The following CSGALNACT1 variants were observed in gnomAD, a reference collection of about 807,000 sequenced individuals.
CSGALNACT1 encodes the protein beta4GalNAcT-1.
Under a neutral mutation model 51.0 loss-of-function variants are expected in CSGALNACT1, and 52 were observed. That is an observed-to-expected ratio of 1.02 (90% confidence interval 0.82 to 1.29). CSGALNACT1 has a LOEUF of 1.29. Among genes scored for constraint, CSGALNACT1 ranks in the 50% most tolerant of loss-of-function variants. The pLI is 0.00. For missense variants in CSGALNACT1, 935 were observed against 679.2 expected, an observed-to-expected ratio of 1.38 and a Z score of -4.19; for synonymous variants, 341 against 254.4, an observed-to-expected ratio of 1.34 and a Z score of -3.24.
chr8:19,476,145 C>T (rs1037580015), intron 4 of CSGALNACT1, among the ~76,000 whole-genome samples: 2 of 152,116 alleles, frequency 1.3e-5, no homozygotes, highest in Non-Finnish European at 2.9e-5. Flanking sequence ...TGAATATGGC[C>T]ATTTTTCAGA....
Position 19,755,727 on chromosome 8 carries a change from C to T in CSGALNACT1, c.-297+2123G>A, listed in dbSNP as rs1203290264. On this transcript the variant is annotated intron_variant, in intron 1 of 1. Transcript: ENST00000517494. The stretch of plus-strand genomic sequence containing the variant: ...CAAGCTCACTGCACTGTAATGTAAA[C>T]GGATGAATCCAAATGTCGGAGATTC... Among the ~76,000 whole-genome samples, 6 of 152,282 alleles carry T rather than the reference C, an allele frequency of 3.9e-5. No homozygotes were observed. In the East Asian group the frequency reaches 9.6e-4, roughly 24 times the overall value.
At chr8:19,524,357 C>G (rs180789357) in intron 3 of CSGALNACT1, among the ~76,000 whole-genome samples, 4 of 152,234 alleles carry the variant, frequency 2.6e-5, no homozygotes, top group African/African-American at 4.8e-5. Context: ...CCGCTATTAA[C>G]GATGCATGTT....
chr8:19,724,357 T>A (rs1436323868), intron 1 of CSGALNACT1, among the ~76,000 whole-genome samples: 1 of 152,204 alleles, frequency 6.6e-6, no homozygotes, highest in South Asian at 2.1e-4. Flanking sequence ...GAAAATCCAT[T>A]TCCATGCCTT....
chr8:19,420,224 A>G lies in CSGALNACT1; in HGVS notation c.1132+116T>C, dbSNP rs7016592. On this transcript the variant is annotated intron_variant, in intron 7 of 9. Coordinates refer to ENST00000454498, the Ensembl canonical transcript of CSGALNACT1. ...TGGTTTTCCTTTTCTTTGCTATTGAAGTAAAACAGGCTGATTCAGAAGCAG... is the reference window on the plus strand; with the variant it reads ...TGGTTTTCCTTTTCTTTGCTATTGAGGTAAAACAGGCTGATTCAGAAGCAG... The G allele has an allele frequency of 0.53, 505,011 of 960,320 alleles. 137,593 individuals carry two copies. Among genetic ancestry groups the G allele is most frequent in the East Asian group, 0.83 (34,627 of 41,662 alleles). 59.5% of individuals were successfully genotyped at this position (960,320 alleles called of 1,614,324 possible).
chr8:19,504,883 G>A (rs1368679238), intron 4 of CSGALNACT1, among the ~76,000 whole-genome samples: 2 of 152,250 alleles, frequency 1.3e-5, no homozygotes, highest in East Asian at 3.9e-4. Flanking sequence ...TACTAGAAGT[G>A]CCCTGTCATA....
chr8:19,597,804 C>A (rs2049286311), intron 2 of CSGALNACT1, among the ~76,000 whole-genome samples: 1 of 152,178 alleles, frequency 6.6e-6, no homozygotes, highest in East Asian at 1.9e-4. Context: ...TCCTTCAAAC[C>A]TTTGTTTGTG....
intron 3 of CSGALNACT1, among the ~76,000 whole-genome samples, chr8:19,574,303 T>TC (rs1349272550): frequency 6.6e-6 from 1 of 152,138 alleles, no homozygotes; most frequent in Admixed American, 6.5e-5. Flanking sequence ...CTCCTGCAGG[T>TC]CCTCCAGACC....
upstream of CSGALNACT1, among the ~76,000 whole-genome samples, chr8:19,604,980 AG>A (rs1055751684): frequency 6.6e-6 from 1 of 151,594 alleles, no homozygotes; most frequent in African/African-American, 2.4e-5. Context: ...AGTGGTAGCT[AG>A]GTATATGTGC....
intron 1 of CSGALNACT1, among the ~76,000 whole-genome samples, chr8:19,620,894 TC>T (rs2154160744): frequency 6.6e-6 from 1 of 152,228 alleles, no homozygotes; most frequent in African/African-American, 2.4e-5. Flanking sequence ...GGAACATGGA[TC>T]CCTTAAGTGG....
intron 1 of CSGALNACT1, among the ~76,000 whole-genome samples, chr8:19,648,124 T>C (rs1161254575): frequency 2.0e-5 from 3 of 152,208 alleles, no homozygotes; most frequent in Admixed American, 1.3e-4. Context: ...TTACATATTA[T>C]ACAGTTCCTC....
chr8:19,490,572 C>T (rs1470399300), intron 4 of CSGALNACT1, among the ~76,000 whole-genome samples: 1 of 152,156 alleles, frequency 6.6e-6, no homozygotes, highest in Non-Finnish European at 1.5e-5. Flanking sequence ...CATGCGAAAC[C>T]ACCTTTTCTG....
chr8:19,612,958 A>AAAAAAAC, intron 1 of CSGALNACT1, among the ~76,000 whole-genome samples: 1 of 136,048 alleles, frequency 7.4e-6, no homozygotes, highest in Admixed American at 7.2e-5. Context: ...AAAAAAAAAA[A>AAAAAAAC]AAAAAAAAAA....
intron 4 of CSGALNACT1, 129 bp from the exon 4 acceptor site, chr8:19,458,771 G>T: frequency 1.1e-6 from 1 of 890,602 alleles, no homozygotes; most frequent in East Asian, 2.5e-5. Flanking sequence ...ACAATTATTC[G>T]AAAATTCAAA....
At chr8:19,611,256 CTG>C (rs1490584377) in intron 1 of CSGALNACT1, among the ~76,000 whole-genome samples, 1 of 152,206 alleles carries the variant, frequency 6.6e-6, no homozygotes. Context: ...CACTTAAAGA[CTG>C]TGCCTAGTTA....
chr8:19,482,431 C>T (rs180786123), intron 4 of CSGALNACT1, among the ~76,000 whole-genome samples: 1 of 152,168 alleles, frequency 6.6e-6, no homozygotes, highest in Non-Finnish European at 1.5e-5. Flanking sequence ...TACCACTCCA[C>T]TGATGATGTT....
At chr8:19,440,334 C>G (rs1459060934) in intron 5 of CSGALNACT1, among the ~76,000 whole-genome samples, 1 of 152,052 alleles carries the variant, frequency 6.6e-6, no homozygotes, top group Non-Finnish European at 1.5e-5. Flanking sequence ...TACTGGCAAA[C>G]CGAATTCAGC....
chr8:19,404,203 T>A (rs960260848), exon 10 of CSGALNACT1: 1 of 384,192 alleles, frequency 2.6e-6, no homozygotes, highest in Admixed American at 3.2e-5. Context: ...CAATACCACC[T>A]TCCATTCATG....
chr8:19,483,347 T>C (rs145611104), intron 4 of CSGALNACT1, among the ~76,000 whole-genome samples: 1 of 152,260 alleles, frequency 6.6e-6, no homozygotes, highest in Non-Finnish European at 1.5e-5. Context: ...CACTTCATTA[T>C]GTCTGGTTCT....
At position 19,601,939 on chromosome 8, in the gene CSGALNACT1, G is replaced by A. The variant is rs1249265255; in HGVS notation, c.-511+53C>T. 6.0e-5 allele frequency: 27 copies of A among 446,996 alleles called. No homozygotes were observed. The East Asian group carries it at 1.6e-3, about 27-fold the overall frequency. 27.7% of individuals were successfully genotyped at this position (446,996 alleles called of 1,614,324 possible). A position where few individuals can be genotyped will look rare whatever the true frequency, so the allele number is the denominator to read the frequency against. On this transcript the variant is annotated intron_variant, in intron 1 of 9. Coordinates refer to ENST00000454498, the Ensembl canonical transcript of CSGALNACT1. ...TAAATGTATGTGGTATTACAAAATG[G>A]GAACATTTTAAATCACTTAGTATAT...
Sources: allele counts gnomAD v4.1 joint callset (sites outside exome capture counted in the v4.1 genomes callset), GRCh38; gene constraint gnomAD v4.1.1; transcripts MANE v1.5; gene names NCBI Gene and HGNC (gene_info 2026-07-23, HGNC 2026-07-21).